The following CLNK variants were observed in gnomAD, a reference collection of about 807,000 sequenced individuals.
CLNK encodes cytokine-dependent hematopoietic cell linker.
CLNK carries 74 observed loss-of-function variants against 68.6 expected under a neutral mutation model. That is an observed-to-expected ratio of 1.08 (90% CI 0.89 to 1.31). The LOEUF (loss-of-function observed/expected upper bound fraction) is 1.31. CLNK is among the 50% of genes most tolerant of loss of function. The probability of loss-of-function intolerance (pLI) is 0.00; values close to 1 mark genes in which losing one functional copy is unlikely to be tolerated. For missense variants in CLNK, 553 were observed against 515.3 expected (o/e 1.07, Z -0.71); for synonymous variants, 198 against 172.2 (o/e 1.15, Z -1.17).
At chr4:10,672,983 A>C (rs1378661277) in intron 1 of CLNK, among the ~76,000 whole-genome samples, 2 of 152,194 alleles carry the variant, frequency 1.3e-5, no homozygotes, top group Non-Finnish European at 2.9e-5. Flanking sequence ...ATACACTTAG[A>C]ATTATTTCTG....
chr4:10,560,871 C>A (rs753152037), intron 7 of CLNK, among the ~76,000 whole-genome samples: 1 of 152,066 alleles, frequency 6.6e-6, no homozygotes, highest in Admixed American at 6.6e-5. Context: ...TTTTACAACA[C>A]TGATTACAAA....
At chr4:10,563,591 T>A (rs1719980880) in intron 7 of CLNK, among the ~76,000 whole-genome samples, 1 of 152,154 alleles carries the variant, frequency 6.6e-6, no homozygotes. Flanking sequence ...AGGCTTCCCC[T>A]GTTTGACAGA....
chr4:10,728,920 A>G, the CLNK span, among the ~76,000 whole-genome samples: 1 of 151,998 alleles, frequency 6.6e-6, no homozygotes, highest in African/African-American at 2.4e-5. Context: ...TTTTTAGCAT[A>G]TACCTTTGAT....
the CLNK span, among the ~76,000 whole-genome samples, chr4:10,706,461 C>T: frequency 1.3e-5 from 2 of 152,214 alleles, no homozygotes; most frequent in African/African-American, 4.8e-5. Flanking sequence ...AAAATAAACA[C>T]CACAGTTTCA....
chr4:10,645,218 G>A (rs1165725886), intron 2 of CLNK, among the ~76,000 whole-genome samples: 5 of 152,152 alleles, frequency 3.3e-5, no homozygotes, highest in Admixed American at 3.3e-4. Context: ...TCTCAGCCTT[G>A]AGCTTCGCTG....
chr4:10,656,538 T>C (rs578216519), intron 2 of CLNK: 2 of 152,222 alleles, frequency 1.3e-5, no homozygotes, highest in South Asian at 2.1e-4. Context: ...ACTGCCAGTA[T>C]GGAAGGACTG....
At chr4:10,734,836 C>T in the CLNK span, among the ~76,000 whole-genome samples, 2 of 152,118 alleles carry the variant, frequency 1.3e-5, no homozygotes, top group Non-Finnish European at 2.9e-5. Context: ...AGCCTGGACT[C>T]TGCTGGCTCT....
chr4:10,715,557 A>T, the CLNK span, among the ~76,000 whole-genome samples: 4 of 152,160 alleles, frequency 2.6e-5, no homozygotes, highest in African/African-American at 9.7e-5. Context: ...CACAAATTTT[A>T]TTTCCAAAAG....
At chr4:10,676,411 G>T (rs527696583) in intron 1 of CLNK, among the ~76,000 whole-genome samples, 12 of 81,300 alleles carry the variant, frequency 1.5e-4, no homozygotes, top group South Asian at 3.8e-4. Flanking sequence ...TTTTTTTTGA[G>T]GGGTAAGGGA....
At chr4:10,680,502 A>G (rs1030067741) in intron 1 of CLNK, among the ~76,000 whole-genome samples, 5 of 152,108 alleles carry the variant, frequency 3.3e-5, no homozygotes, top group Non-Finnish European at 7.4e-5. Context: ...ATGTACCCTA[A>G]AACTTAAAGT....
the CLNK span, among the ~76,000 whole-genome samples, chr4:10,729,335 C>T: frequency 6.6e-6 from 1 of 152,094 alleles, no homozygotes. Context: ...ATTAGTACAG[C>T]CTCTATGGAA....
chr4:10,563,964 G>T (rs1291271842), intron 7 of CLNK, among the ~76,000 whole-genome samples: 1 of 152,118 alleles, frequency 6.6e-6, no homozygotes, highest in Non-Finnish European at 1.5e-5. Flanking sequence ...AAAATGTTAT[G>T]ACCAATAACT....
intron 2 of CLNK, among the ~76,000 whole-genome samples, chr4:10,666,092 G>A (rs1044851789): frequency 7.9e-5 from 12 of 152,108 alleles, no homozygotes; most frequent in African/African-American, 2.4e-4. Context: ...AGAGTGATGC[G>A]GCCACGGGCA....
At chr4:10,609,752 C>G (rs1577165143) in intron 2 of CLNK, among the ~76,000 whole-genome samples, 1 of 152,224 alleles carries the variant, frequency 6.6e-6, no homozygotes, top group Non-Finnish European at 1.5e-5. Context: ...GATTTTAGCT[C>G]CTTCTTTTGC....
At chr4:10,618,679 C>T (rs1451888179) in intron 2 of CLNK, among the ~76,000 whole-genome samples, 1 of 152,140 alleles carries the variant, frequency 6.6e-6, no homozygotes, top group African/African-American at 2.4e-5. Flanking sequence ...AGGAAACTTA[C>T]AATCATGGCA....
At chr4:10,684,166 G>A (rs1725184766) in intron 1 of CLNK, among the ~76,000 whole-genome samples, 4 of 152,188 alleles carry the variant, frequency 2.6e-5, no homozygotes, top group South Asian at 2.1e-4. Flanking sequence ...GTGGAAGGAT[G>A]TCTGCGTGAT....
chr4:10,562,021 T>C (rs1719907807), intron 7 of CLNK, among the ~76,000 whole-genome samples: 1 of 152,172 alleles, frequency 6.6e-6, no homozygotes, highest in Non-Finnish European at 1.5e-5. Context: ...TGTGGACTGA[T>C]TGCTTTGTGC....
At chr4:10,494,906 T>A (rs529460944) in intron 18 of CLNK, among the ~76,000 whole-genome samples, 9 of 152,310 alleles carry the variant, frequency 5.9e-5, no homozygotes, top group African/African-American at 1.9e-4. Flanking sequence ...TATTATTAGA[T>A]CTTAAAATCT....
chr4:10,624,441 C>T (rs977234999), intron 2 of CLNK, among the ~76,000 whole-genome samples: 4 of 152,074 alleles, frequency 2.6e-5, no homozygotes, highest in Non-Finnish European at 5.9e-5. Context: ...TATAGGCGCC[C>T]GCCACCACGC....
Sources: gnomAD v4.1 joint callset for allele counts (sites outside exome capture counted in the v4.1 genomes callset) on GRCh38, gnomAD v4.1.1 for gene constraint, MANE v1.5 for transcripts, NCBI Gene and HGNC (gene_info 2026-07-23, HGNC 2026-07-21) for gene names.